DMD: variants seen among roughly 807,000 people sequenced by gnomAD.
The protein encoded by DMD is mutant dystrophin.
In DMD, 63 loss-of-function variants were observed where a neutral mutation model predicts 330.1. That is an observed-to-expected ratio of 0.19 (90% CI 0.16 to 0.24). The LOEUF is 0.24. Ranked by LOEUF, DMD falls within the 10% of genes least tolerant of loss-of-function variation. The probability of loss-of-function intolerance (pLI) is 1.00; values close to 1 mark genes in which losing one functional copy is unlikely to be tolerated. For synonymous variants in DMD, 1,223 were observed against 959.8 expected (o/e 1.27, Z -5.07); for missense variants, 3,344 against 2,684.1 (o/e 1.25, Z -5.43).
intron 30 of DMD, among the ~76,000 whole-genome samples, chrX:32,399,984 C>T (rs1056167111): frequency 1.6e-4 from 18 of 111,586 alleles, no homozygotes; most frequent in Non-Finnish European, 2.8e-4. Flanking sequence ...GCCAGAACTT[C>T]CAACACTATG....
chrX:32,638,021 A>G (rs1481351094), intron 11 of DMD, among the ~76,000 whole-genome samples: 1 of 111,890 alleles, frequency 8.9e-6, no homozygotes, highest in Non-Finnish European at 1.9e-5. Context: ...TTATTAGTAC[A>G]AGAGATGTCC....
chrX:31,944,787 C>T (rs1033099292), intron 45 of DMD, among the ~76,000 whole-genome samples: 1 of 109,108 alleles, frequency 9.2e-6, no homozygotes, highest in Non-Finnish European at 1.9e-5. Flanking sequence ...GGATTACAGG[C>T]GTGAGGCACC....
intron 55 of DMD, among the ~76,000 whole-genome samples, chrX:31,604,455 CGCCAAAAGATTAGCAGCTACGGTCACATT>C (rs1310662142): frequency 9.0e-6 from 1 of 111,188 alleles, no homozygotes; most frequent in African/African-American, 3.3e-5. Flanking sequence ...TTCGAGACAG[CGCCAAAAGATTAGCAGCTACGGTCACATT>C]TAATGAGCAA....
At chrX:33,185,791 A>T (rs1048946739) in intron 1 of DMD, among the ~76,000 whole-genome samples, 3 of 111,791 alleles carry the variant, frequency 2.7e-5, no homozygotes, top group African/African-American at 9.8e-5. Flanking sequence ...GTGATTAGCT[A>T]TTAACAATTT....
chrX:33,209,837 T>C (rs921162829), intron 1 of DMD, among the ~76,000 whole-genome samples: 64 of 110,438 alleles, frequency 5.8e-4, no homozygotes, highest in African/African-American at 2.0e-3. Context: ...TAGATTTACC[T>C]TGCTTAATTT....
intron 34 of DMD, among the ~76,000 whole-genome samples, chrX:32,367,918 A>C (rs2097860028): frequency 8.9e-6 from 1 of 112,069 alleles, no homozygotes; most frequent in Non-Finnish European, 1.9e-5. Context: ...CTGTAAAAAA[A>C]GAGACCTAGA....
chrX:33,122,246 CAAAA>C (rs1236174440), intron 1 of DMD, among the ~76,000 whole-genome samples: 2 of 109,522 alleles, frequency 1.8e-5, no homozygotes, highest in Non-Finnish European at 3.8e-5. Flanking sequence ...AACAAACAAA[CAAAA>C]AACAAAAAAC....
intron 44 of DMD, among the ~76,000 whole-genome samples, chrX:32,113,087 T>C (rs1226981025): frequency 8.9e-6 from 1 of 112,697 alleles, no homozygotes; most frequent in Non-Finnish European, 1.9e-5. Flanking sequence ...TTTATTAGTA[T>C]AATAAACGCA....
intron 73 of DMD, among the ~76,000 whole-genome samples, chrX:31,171,780 G>A (rs747889431): frequency 9.0e-6 from 1 of 111,614 alleles, no homozygotes; most frequent in South Asian, 3.8e-4. Context: ...TTATCATCCT[G>A]CTAACAACCT....
intron 7 of DMD, among the ~76,000 whole-genome samples, chrX:32,729,834 T>C (rs2148013775): frequency 8.9e-6 from 1 of 112,289 alleles, no homozygotes; most frequent in East Asian, 2.8e-4. Flanking sequence ...GCATTCAACA[T>C]ATCTTAACCA....
At chrX:32,074,883 A>G (rs910959992) in intron 44 of DMD, among the ~76,000 whole-genome samples, 4 of 84,827 alleles carry the variant, frequency 4.7e-5, no homozygotes, top group Non-Finnish European at 9.5e-5. Flanking sequence ...AACAACGACA[A>G]CAACAACAAC....
chrX:33,336,630 T>C (rs1208430665), intron 1 of DMD, among the ~76,000 whole-genome samples: 2 of 111,670 alleles, frequency 1.8e-5, no homozygotes, highest in Non-Finnish European at 3.8e-5. Context: ...TTTGAGAGAA[T>C]TGGGGAAAAC....
intron 55 of DMD, among the ~76,000 whole-genome samples, chrX:31,554,497 C>T (rs1038735046): frequency 2.7e-5 from 3 of 111,656 alleles, no homozygotes; most frequent in Non-Finnish European, 5.7e-5. Flanking sequence ...GTATTTCTGC[C>T]CAGCCAGGCG....
intron 55 of DMD, among the ~76,000 whole-genome samples, chrX:31,618,928 T>A (rs1294040052): frequency 9.0e-6 from 1 of 110,762 alleles, no homozygotes; most frequent in East Asian, 2.8e-4. Context: ...TGGTCCCAAG[T>A]GTTTTGGATA....
intron 1 of DMD, among the ~76,000 whole-genome samples, chrX:33,260,307 T>G (rs2052933320): frequency 9.0e-6 from 1 of 111,311 alleles, no homozygotes; most frequent in African/African-American, 3.3e-5. Flanking sequence ...TGATGCTTTC[T>G]TAAAAAGATT....
intron 62 of DMD, among the ~76,000 whole-genome samples, chrX:31,294,954 T>C (rs750164880): frequency 8.0e-5 from 9 of 112,155 alleles, no homozygotes; most frequent in Admixed American, 6.6e-4. Flanking sequence ...CGGAATTGAA[T>C]AGTTGCCTGT....
chrX:32,590,217 T>G (rs1273437772), intron 13 of DMD, among the ~76,000 whole-genome samples: 1 of 112,361 alleles, frequency 8.9e-6, no homozygotes, highest in African/African-American at 3.2e-5. Context: ...TCTGCAAAAA[T>G]TATTCCTTCA....
chrX:31,837,841 C>T lies in DMD; in HGVS notation c.7099-1022G>A, dbSNP rs776754031. ...GCCCAGTACAGTCTCTTGCAATTTA[C>T]GGGTGCTCAGCACATGCTCTTGAGA... On this transcript the variant is annotated intron_variant, in intron 48 of 78. Transcript: ENST00000357033. Among the ~76,000 whole-genome samples the T allele has an allele frequency of 8.0e-5, 9 of 112,302 alleles. No homozygotes were observed. The East Asian group carries it at 2.0e-3, about 24-fold the overall frequency.
intron 62 of DMD, among the ~76,000 whole-genome samples, chrX:31,322,939 C>A (rs924958085): frequency 2.7e-5 from 3 of 111,641 alleles, no homozygotes; most frequent in African/African-American, 9.8e-5. Context: ...GTATCGTAAT[C>A]ACTCAATATC....
Sources: allele counts gnomAD v4.1 joint callset (sites outside exome capture counted in the v4.1 genomes callset), GRCh38; gene constraint gnomAD v4.1.1; transcripts MANE v1.5; gene names NCBI Gene and HGNC (gene_info 2026-07-23, HGNC 2026-07-21).